The following GPHN variants were observed in gnomAD, a reference collection of about 807,000 sequenced individuals.
The protein encoded by GPHN is gephyrin.
Under a neutral mutation model 95.5 loss-of-function variants are expected in GPHN, and 17 were observed. That is an observed-to-expected ratio of 0.18 (90% confidence interval 0.12 to 0.27). The LOEUF is 0.27. Among genes scored for constraint, GPHN ranks in the 10% least tolerant of loss-of-function variants. The probability of loss-of-function intolerance (pLI) is 1.00; values close to 1 mark genes in which losing one functional copy is unlikely to be tolerated. For synonymous variants in GPHN, 320 were observed against 322.5 expected, an observed-to-expected ratio of 0.99 and a Z score of 0.08; for missense variants, 660 against 978.1, an observed-to-expected ratio of 0.67 and a Z score of 4.34.
chr14:67,659,764 T>C, the GPHN span: 102 of 1,613,716 alleles, frequency 6.3e-5, no homozygotes, highest in African/African-American at 1.1e-3. Context: ...ATATGCCATA[T>C]TTCATGTCTC....
chr14:67,459,632 T>C, the GPHN span, among the ~76,000 whole-genome samples: 1 of 152,210 alleles, frequency 6.6e-6, no homozygotes, highest in African/African-American at 2.4e-5. Flanking sequence ...CTGAAAGGCC[T>C]CCCTGGTTAC....
the GPHN span, among the ~76,000 whole-genome samples, chr14:67,230,787 A>G: frequency 8.5e-5 from 13 of 152,326 alleles, no homozygotes; most frequent in African/African-American, 2.6e-4. Context: ...AAACTTAACT[A>G]TGGAATACAA....
the GPHN span, among the ~76,000 whole-genome samples, chr14:67,381,307 A>G: frequency 6.6e-6 from 1 of 152,184 alleles, no homozygotes; most frequent in Non-Finnish European, 1.5e-5. Flanking sequence ...TACATACTTA[A>G]CCATTTACAC....
chr14:66,621,141 T>C (rs1478693474), intron 1 of GPHN, among the ~76,000 whole-genome samples: 2 of 151,560 alleles, frequency 1.3e-5, no homozygotes, highest in African/African-American at 4.9e-5. Context: ...ATTTTTTTTT[T>C]TTTTTTTGTA....
At chr14:66,656,535 C>A (rs970819514) in intron 1 of GPHN, among the ~76,000 whole-genome samples, 2 of 152,076 alleles carry the variant, frequency 1.3e-5, no homozygotes, top group Non-Finnish European at 2.9e-5. Flanking sequence ...TTTTACATAT[C>A]AAAGGTTTAT....
intron 9 of GPHN, among the ~76,000 whole-genome samples, chr14:67,009,699 A>G (rs1426963795): frequency 6.6e-6 from 1 of 152,134 alleles, no homozygotes; most frequent in African/African-American, 2.4e-5. Flanking sequence ...ATATTATACT[A>G]AAAGGTTTGA....
At chr14:67,442,078 A>C in the GPHN span, 1 of 152,586 alleles carries the variant, frequency 6.6e-6, no homozygotes, top group Non-Finnish European at 1.5e-5. Flanking sequence ...TAATGAATAC[A>C]TACAAATGAA....
the GPHN span, chr14:67,662,629 G>GCCCT: frequency 8.8e-7 from 1 of 1,133,466 alleles, no homozygotes; most frequent in Non-Finnish European, 1.3e-6. Flanking sequence ...CCTATGGCAG[G>GCCCT]GCCTGGTGGC....
the GPHN span, chr14:67,350,586 A>G: frequency 6.3e-7 from 1 of 1,595,610 alleles, no homozygotes. Context: ...GTTTTGCTTC[A>G]AAACACCCCG....
chr14:67,563,796 C>T, the GPHN span, among the ~76,000 whole-genome samples: 15 of 145,314 alleles, frequency 1.0e-4, no homozygotes, highest in African/African-American at 3.6e-4. Flanking sequence ...TGCAGTAGCA[C>T]GGTCTCGGCT....
chr14:67,405,987 G>C, the GPHN span, among the ~76,000 whole-genome samples: 2 of 152,200 alleles, frequency 1.3e-5, no homozygotes, highest in Non-Finnish European at 2.9e-5. Context: ...GCCAGGCACG[G>C]TGGCTCACAC....
chr14:67,332,904 T>C, the GPHN span: 4 of 1,614,018 alleles, frequency 2.5e-6, no homozygotes, highest in East Asian at 8.9e-5. Flanking sequence ...CTTAGGTTAA[T>C]TAACAAACTT....
At chr14:67,692,271 ATC>A in the GPHN span, 1 of 689,654 alleles carries the variant, frequency 1.5e-6, no homozygotes, top group East Asian at 2.7e-5. Flanking sequence ...TCTGGAAGAT[ATC>A]CCTTTGACAT....
At chr14:67,439,301 C>T in the GPHN span, among the ~76,000 whole-genome samples, 2 of 152,230 alleles carry the variant, frequency 1.3e-5, no homozygotes, top group African/African-American at 4.8e-5. Flanking sequence ...GGCTCATTTT[C>T]CTCTTGTAGT....
chr14:67,646,988 A>G, the GPHN span: 1 of 1,613,078 alleles, frequency 6.2e-7, no homozygotes, highest in Middle Eastern at 1.7e-4. Context: ...TGGTATCCAG[A>G]AGGTCATGGA....
chr14:67,538,152 A>T, the GPHN span, among the ~76,000 whole-genome samples: 1 of 152,158 alleles, frequency 6.6e-6, no homozygotes, highest in African/African-American at 2.4e-5. Context: ...TTTCCAGCTC[A>T]CTTCCCCTCT....
At chr14:67,658,423 T>C in the GPHN span, among the ~76,000 whole-genome samples, 1 of 151,786 alleles carries the variant, frequency 6.6e-6, no homozygotes, top group African/African-American at 2.4e-5. Flanking sequence ...TGAAACCCCG[T>C]CTCTACTAAA....
At chr14:67,370,253 C>G in the GPHN span, among the ~76,000 whole-genome samples, 2 of 152,144 alleles carry the variant, frequency 1.3e-5, no homozygotes, top group Non-Finnish European at 2.9e-5. Context: ...ATGGACATGT[C>G]GCAGTGCTGC....
At chr14:66,881,373 T>C (rs2063922615) in intron 5 of GPHN, among the ~76,000 whole-genome samples, 1 of 151,880 alleles carries the variant, frequency 6.6e-6, no homozygotes, top group Non-Finnish European at 1.5e-5. Context: ...CCGTTTTTCC[T>C]ATGGAATTAA....
Sources: gnomAD v4.1 joint callset for allele counts (sites outside exome capture counted in the v4.1 genomes callset) on GRCh38, gnomAD v4.1.1 for gene constraint, MANE v1.5 for transcripts, NCBI Gene and HGNC (gene_info 2026-07-23, HGNC 2026-07-21) for gene names.